DNASE1: variants seen among roughly 807,000 people sequenced by gnomAD.
DNASE1 encodes deoxyribonuclease-1.
A neutral mutation model predicts 33.9 loss-of-function variants in DNASE1; 40 were observed. The ratio of observed to expected loss-of-function variants is 1.18; its 90% confidence interval spans 0.92 to 1.54. The LOEUF is 1.54. Among genes scored for constraint, DNASE1 ranks in the 40% most tolerant of loss-of-function variants. The pLI is 0.00. For synonymous variants in DNASE1, 216 were observed against 160.0 expected (o/e 1.35, Z -2.64); for missense variants, 518 against 372.6 (o/e 1.39, Z -3.21).
chr16:3,658,187 G>A, downstream of DNASE1: 7 of 1,614,094 alleles, frequency 4.3e-6, no homozygotes, highest in Non-Finnish European at 5.1e-6. Flanking sequence ...CATGGCCCTA[G>A]GGTCGTCAAC....
intron 1 of DNASE1, among the ~76,000 whole-genome samples, chr16:3,613,899 G>C (rs1395845606): frequency 6.9e-6 from 1 of 145,216 alleles, no homozygotes; most frequent in Non-Finnish European, 1.5e-5. Flanking sequence ...CCGCAACCGC[G>C]CCTGGCTAAT....
upstream of DNASE1, among the ~76,000 whole-genome samples, chr16:3,638,933 C>G (rs936948789): frequency 5.9e-5 from 9 of 152,182 alleles, no homozygotes; most frequent in African/African-American, 2.2e-4. Flanking sequence ...TTTACTGTCT[C>G]TGGAAGTTCC....
intron 1 of DNASE1, among the ~76,000 whole-genome samples, chr16:3,647,893 T>G (rs1435293071): frequency 2.0e-5 from 3 of 151,924 alleles, no homozygotes; most frequent in Admixed American, 2.0e-4. Context: ...TGTGGCTGGG[T>G]GCAGTGGCTC....
At chr16:3,636,017 A>T (rs982803800) in intron 1 of DNASE1, among the ~76,000 whole-genome samples, 2 of 152,152 alleles carry the variant, frequency 1.3e-5, no homozygotes, top group Non-Finnish European at 2.9e-5. Flanking sequence ...TGTTTCAGAT[A>T]CTTTTTCTGC....
downstream of DNASE1, chr16:3,658,409 C>T: frequency 1.6e-6 from 1 of 618,440 alleles, no homozygotes; most frequent in Non-Finnish European, 2.8e-6. Context: ...CGTGAGCCAC[C>T]ACGCCTGGCC....
At chr16:3,662,981 G>C, downstream of DNASE1, 1 of 1,594,138 alleles carries the variant, frequency 6.3e-7, no homozygotes, top group Non-Finnish European at 8.5e-7. Flanking sequence ...CGGAAGAGCA[G>C]GCGACAGGGA....
Position 3,648,406 on chromosome 16 carries a change from C to G in DNASE1, c.-86+5370C>G, listed in dbSNP as rs368860324. Among the ~76,000 whole-genome samples, 17 of 152,226 alleles carry G rather than the reference C, an allele frequency of 1.1e-4. No homozygotes were observed. The East Asian group carries it at 1.7e-3, about 16-fold the overall frequency. ...TGAAATCCCGTCTCTACTAAAAATA[C>G]AAAAAATTAGCTGGGCGTGGTGGCG... On this transcript the variant is annotated intron_variant, in intron 1 of 9. Transcript: ENST00000407479.
rs572095492 is a variant in DNASE1, at chr16:3,624,177, G to A, written c.-1359+12171G>A. 3.9e-4 allele frequency among the ~76,000 whole-genome samples: 59 copies of A among 151,786 alleles called. 1 individual carries two copies. The highest frequency in any genetic ancestry group is 4.2e-4 in the South Asian group (2 of 4,814). ...CTGTAATCCCAGGAAGCTGAGGCAGGAGAATCGCTTGAACCCGGGAGGCAG... is the reference window on the plus strand; with the variant it reads ...CTGTAATCCCAGGAAGCTGAGGCAGAAGAATCGCTTGAACCCGGGAGGCAG... On this transcript the variant is annotated intron_variant and NMD_transcript_variant, in intron 1 of 11. Transcript: ENST00000570769.
downstream of DNASE1, chr16:3,663,049 G>A (rs1458540636): frequency 9.3e-7 from 1 of 1,075,660 alleles, no homozygotes; most frequent in East Asian, 2.6e-5. Context: ...CATGCTTCCA[G>A]CTCCCACCTC....
chr16:3,661,853 A>G (rs993360310), downstream of DNASE1: 2 of 1,201,884 alleles, frequency 1.7e-6, no homozygotes, highest in African/African-American at 1.6e-5. Flanking sequence ...AACTGCATAC[A>G]GCTCCTTATA....
chr16:3,629,701 T>C (rs1220871295), intron 1 of DNASE1, among the ~76,000 whole-genome samples: 1 of 152,208 alleles, frequency 6.6e-6, no homozygotes, highest in East Asian at 1.9e-4. Context: ...CAGTGAAGCC[T>C]TCAGGTCCAG....
At chr16:3,631,223 G>A (rs1039687945) in intron 1 of DNASE1, among the ~76,000 whole-genome samples, 43 of 151,914 alleles carry the variant, frequency 2.8e-4, no homozygotes, top group African/African-American at 8.0e-4. Flanking sequence ...TTGTTTTTGA[G>A]ACAGAGTCTT....
At chr16:3,619,853 T>G (rs1315610010) in intron 1 of DNASE1, among the ~76,000 whole-genome samples, 2 of 151,706 alleles carry the variant, frequency 1.3e-5, no homozygotes, top group Non-Finnish European at 2.9e-5. Context: ...ACAGCTCTAC[T>G]AAATATTTCA....
intron 1 of DNASE1, among the ~76,000 whole-genome samples, chr16:3,613,809 A>C (rs2040995414): frequency 6.6e-6 from 1 of 151,808 alleles, no homozygotes. Flanking sequence ...GCTGGAGCGC[A>C]GTGGTGTGTG....
chr16:3,618,660 C>G (rs564597747), intron 1 of DNASE1, among the ~76,000 whole-genome samples: 2 of 152,204 alleles, frequency 1.3e-5, no homozygotes, highest in South Asian at 4.1e-4. Context: ...ACCTGGGAGG[C>G]AGAGTTTATG....
At chr16:3,620,989 G>C (rs1002707177) in intron 1 of DNASE1, among the ~76,000 whole-genome samples, 1 of 151,928 alleles carries the variant, frequency 6.6e-6, no homozygotes, top group Non-Finnish European at 1.5e-5. Context: ...TAGTAGAGAC[G>C]GGGTTTCACC....
chr16:3,616,869 C>T (rs973101798), intron 1 of DNASE1, among the ~76,000 whole-genome samples: 5 of 152,036 alleles, frequency 3.3e-5, no homozygotes, highest in Non-Finnish European at 5.9e-5. Flanking sequence ...TGATTTTGTC[C>T]GGGATGCCAA....
chr16:3,656,054 G>T (rs778896929), intron 3 of DNASE1, 48 bp from the exon 4 acceptor site: 2 of 1,611,894 alleles, frequency 1.2e-6, no homozygotes, highest in Non-Finnish European at 1.7e-6. Flanking sequence ...CAGCCAGAGG[G>T]GTCCCCTATG....
intron 3 of DNASE1, 35 bp from the exon 4 acceptor site, chr16:3,656,067 C>T (rs962864166): frequency 1.9e-6 from 3 of 1,612,426 alleles, no homozygotes; most frequent in Admixed American, 1.7e-5. Context: ...CCCCTATGGC[C>T]CCCGCCACTG....
Sources: gnomAD v4.1 joint callset for allele counts (sites outside exome capture counted in the v4.1 genomes callset) on GRCh38, gnomAD v4.1.1 for gene constraint, MANE v1.5 for transcripts, NCBI Gene and HGNC (gene_info 2026-07-23, HGNC 2026-07-21) for gene names.